Variants in TBC1D22B observed in about 807,000 individuals in gnomAD.
TBC1D22B encodes the protein chromosome 6 open reading frame 197.
A neutral mutation model predicts 69.1 loss-of-function variants in TBC1D22B; 32 were observed. The observed-to-expected ratio is 0.46, with a 90% CI of 0.35 to 0.62. The LOEUF is 0.62. Among genes scored for constraint, TBC1D22B ranks in the 20% least tolerant of loss-of-function variants. The pLI, the probability that TBC1D22B is intolerant of heterozygous loss-of-function variation, is 0.00. For missense variants in TBC1D22B, 462 were observed against 630.9 expected (o/e 0.73, Z 2.87); for synonymous variants, 206 against 229.8 (o/e 0.90, Z 0.94).
intron 8 of TBC1D22B, among the ~76,000 whole-genome samples, chr6:37,301,050 G>A (rs1276716974): frequency 2.6e-5 from 4 of 152,102 alleles, no homozygotes. Flanking sequence ...TCATGTAAGT[G>A]GATTCATATA....
intron 1 of TBC1D22B, among the ~76,000 whole-genome samples, chr6:37,267,329 C>T (rs1477849318): frequency 1.5e-5 from 2 of 136,786 alleles, no homozygotes; most frequent in African/African-American, 3.0e-5. Flanking sequence ...TATATACACA[C>T]ACACATATAT....
rs75610853 is a variant in TBC1D22B, at chr6:37,306,478, A to G, written c.983-6440A>G. 4.9e-3 allele frequency among the ~76,000 whole-genome samples: 747 copies of G among 152,272 alleles called. 8 individuals are homozygous for G. Among genetic ancestry groups the G allele is most frequent in the African/African-American group, 0.017 (714 of 41,538 alleles). ...TGTGAGTGGTCTTTGGGCAGGTCCT[A>G]GAAGATTAAGTATGTGCTGGACCTT... On this transcript the variant is annotated intron_variant, in intron 8 of 12. Coordinates refer to ENST00000373491, the MANE Select transcript of TBC1D22B (RefSeq NM_017772.4).
At chr6:37,297,274 G>A (rs1767414944) in intron 8 of TBC1D22B, among the ~76,000 whole-genome samples, 1 of 152,194 alleles carries the variant, frequency 6.6e-6, no homozygotes, top group African/African-American at 2.4e-5. Flanking sequence ...GCGTATTATA[G>A]TTGGTTGTCT....
At chr6:37,278,080 C>A (rs1766720255) in intron 2 of TBC1D22B, among the ~76,000 whole-genome samples, 1 of 152,118 alleles carries the variant, frequency 6.6e-6, no homozygotes, top group South Asian at 2.1e-4. Flanking sequence ...GCCAAGATTT[C>A]TCTACTGCAC....
chr6:37,275,488 G>A (rs921922587), intron 2 of TBC1D22B, among the ~76,000 whole-genome samples: 2 of 152,096 alleles, frequency 1.3e-5, no homozygotes, highest in African/African-American at 4.8e-5. Context: ...CTTCTTTTTA[G>A]CTGCTTTTTT....
chr6:37,304,880 G>C (rs929510677), intron 8 of TBC1D22B, among the ~76,000 whole-genome samples: 1 of 152,202 alleles, frequency 6.6e-6, no homozygotes, highest in Non-Finnish European at 1.5e-5. Context: ...TAAGTGCTAT[G>C]GATAGAAACA....
intron 12 of TBC1D22B, 34 bp from the exon 13 acceptor site, chr6:37,331,010 T>C: frequency 6.2e-7 from 1 of 1,612,758 alleles, no homozygotes; most frequent in Non-Finnish European, 8.5e-7. Context: ...GTCTACGGTC[T>C]GGTATGATAT....
intron 6 of TBC1D22B, among the ~76,000 whole-genome samples, chr6:37,286,096 G>A (rs1766998373): frequency 6.6e-6 from 1 of 152,192 alleles, no homozygotes; most frequent in African/African-American, 2.4e-5. Flanking sequence ...CCAGCCCAGA[G>A]TGAAACAGAC....
chr6:37,299,181 G>C (rs534597978), intron 8 of TBC1D22B, among the ~76,000 whole-genome samples: 4 of 152,082 alleles, frequency 2.6e-5, no homozygotes, highest in African/African-American at 7.2e-5. Flanking sequence ...GTGATATTAT[G>C]TATCTTTTCT....
Position 37,257,804 on chromosome 6 carries a change from C to T in TBC1D22B, c.-114C>T. On this transcript the variant is annotated 5_prime_UTR_variant, in exon 1 of 13. Coordinates refer to ENST00000373491, the MANE Select transcript of TBC1D22B (RefSeq NM_017772.4). The stretch of plus-strand genomic sequence containing the variant: ...AGATGGCGTCCCCAGGAGCTGGGAG[C>T]GGGTGACCGGCGGCGGGGAAGCGGC... 2.6e-6 allele frequency: 3 copies of T among 1,158,640 alleles called. No homozygotes were observed. The highest frequency in any genetic ancestry group is 3.7e-6 in the Non-Finnish European group (3 of 810,722). The allele number at this position is 1,158,640 out of a possible 1,614,324, so 71.8% of individuals were successfully genotyped here.
Position 37,317,207 on chromosome 6 carries a change from G to C in TBC1D22B, c.1389+1G>C, listed in dbSNP as rs1768109093. On this transcript the variant is annotated splice_donor_variant, in intron 12 of 12. Transcript: ENST00000373491. LOFTEE classifies it high-confidence loss of function. ...GATCTTGGATGAGGAGGATTTTCAG[G>C]TGAGTGGCCAAGAGCTTAGTGTGGG... is the stretch of plus-strand genomic sequence containing the variant. 1 of 1,563,388 alleles carries C rather than the reference G, an allele frequency of 6.4e-7. No homozygotes were observed. The highest frequency in any genetic ancestry group is 1.4e-5 in the African/African-American group (1 of 73,862).
chr6:37,284,520 T>C (rs2113742911), intron 6 of TBC1D22B, 56 bp downstream of exon 6: 1 of 1,504,456 alleles, frequency 6.6e-7, no homozygotes, highest in South Asian at 1.4e-5. Flanking sequence ...TAGGTATGTC[T>C]CATGGTAGTG....
At chr6:37,291,976 G>A (rs1007669835) in intron 8 of TBC1D22B, among the ~76,000 whole-genome samples, 2 of 152,222 alleles carry the variant, frequency 1.3e-5, no homozygotes, top group Non-Finnish European at 2.9e-5. Context: ...GAGTCTTAAA[G>A]GAGTTGAGGA....
intron 12 of TBC1D22B, among the ~76,000 whole-genome samples, chr6:37,320,689 C>T (rs991505390): frequency 1.3e-5 from 2 of 152,182 alleles, no homozygotes; most frequent in African/African-American, 2.4e-5. Flanking sequence ...AGGAAGGGTG[C>T]GTGCTTCTCC....
chr6:37,296,786 A>C (rs1161344750), intron 8 of TBC1D22B, among the ~76,000 whole-genome samples: 1 of 152,074 alleles, frequency 6.6e-6, no homozygotes, highest in Non-Finnish European at 1.5e-5. Context: ...ATGTATACAC[A>C]CACACATACA....
At chr6:37,292,056 A>G (rs1030939600) in intron 8 of TBC1D22B, among the ~76,000 whole-genome samples, 4 of 152,254 alleles carry the variant, frequency 2.6e-5, no homozygotes, top group African/African-American at 7.2e-5. Context: ...CCCATCTGCC[A>G]TGGCCTGATG....
At chr6:37,328,040 G>A (rs402924) in intron 12 of TBC1D22B, among the ~76,000 whole-genome samples, 38,488 of 151,846 alleles carry the variant, frequency 0.25, 6,468 homozygotes, top group African/African-American at 0.48. Flanking sequence ...TGGGCCAGGC[G>A]CGGTAGCTCA....
intron 8 of TBC1D22B, among the ~76,000 whole-genome samples, chr6:37,301,354 A>G (rs1041282129): frequency 2.6e-5 from 4 of 152,194 alleles, no homozygotes; most frequent in East Asian, 1.9e-4. Context: ...AAAACATTTT[A>G]TCACCCCAGA....
In TBC1D22B at chr6:37,279,578, T is replaced by C. The variant is rs1481004503; in HGVS notation, c.388T>C (p.Ser130Pro). 6.2e-7 allele frequency: 1 copy of C among 1,613,396 alleles called. No homozygotes were observed. The highest frequency in any genetic ancestry group is 8.5e-7 in the Non-Finnish European group (1 of 1,179,470). Reference sequence around the variant, plus strand: ...CCCTGCCAACTACAAGGTCATAAAGTCCAGCAGTGATGCCCAGCTGTCCAG... The same window carrying C: ...CCCTGCCAACTACAAGGTCATAAAGCCCAGCAGTGATGCCCAGCTGTCCAG... ...DVPANYKVIK[S>P]SSDAQLSRNS... is the part of the protein sequence containing the mutation. The change falls in exon 3 of 13, where the codon TCC (serine) becomes CCC (proline). Residue 130 changes from serine to proline, a missense_variant. Transcript: ENST00000373491.
Sources: allele counts gnomAD v4.1 joint callset (sites outside exome capture counted in the v4.1 genomes callset), GRCh38; gene constraint gnomAD v4.1.1; transcripts MANE v1.5; gene names NCBI Gene and HGNC (gene_info 2026-07-23, HGNC 2026-07-21).